The following SLC39A11 variants were observed in gnomAD, a reference collection of about 807,000 sequenced individuals.
SLC39A11 encodes the protein solute carrier family 39 member 11.
SLC39A11 carries 33 observed loss-of-function variants against 36.1 expected under a neutral mutation model. That is an observed-to-expected ratio of 0.91 (90% CI 0.69 to 1.22). The LOEUF is 1.22. Among genes scored for constraint, SLC39A11 ranks in the 50% most tolerant of loss-of-function variants. The probability of loss-of-function intolerance (pLI) is 0.00; values close to 1 mark genes in which losing one functional copy is unlikely to be tolerated. For synonymous variants in SLC39A11, 166 were observed against 170.3 expected, an observed-to-expected ratio of 0.97 and a Z score of 0.20; for missense variants, 432 against 430.3, an observed-to-expected ratio of 1.00 and a Z score of -0.03.
intron 6 of SLC39A11, among the ~76,000 whole-genome samples, chr17:72,755,025 G>C (rs931579026): frequency 6.6e-6 from 1 of 151,370 alleles, no homozygotes; most frequent in Non-Finnish European, 1.5e-5. Context: ...GTATCCACAG[G>C]ATAGCCCTAA....
intron 4 of SLC39A11, among the ~76,000 whole-genome samples, chr17:72,948,607 G>A (rs996960283): frequency 4.6e-5 from 7 of 152,208 alleles, no homozygotes; most frequent in Admixed American, 3.3e-4. Flanking sequence ...AGGAAGCAGT[G>A]CGAGTTGCAG....
rs1167034424 is a variant in SLC39A11 at position 72,852,204 on chromosome 17, C to CAAAAAAAAAAAAAAAAAAA, written c.431-2419_431-2401dup. Among the ~76,000 whole-genome samples, 110 of 39,910 alleles carry CAAAAAAAAAAAAAAAAAAA rather than the reference C, an allele frequency of 2.8e-3. 3 individuals carry two copies. The highest frequency in any genetic ancestry group is 0.031 in the Middle Eastern group (2 of 64). The allele number at this position is 39,910 out of a possible 152,430, so 26.2% of individuals were successfully genotyped here. On this transcript the variant is annotated intron_variant, in intron 5 of 9. Transcript: ENST00000255559. ...TGGGCAACAGAGCAAGACTCCGTCT[C>CAAAAAAAAAAAAAAAAAAA]AAAAAAAAAAAAAAAAAAAAAAAAC...
At chr17:72,906,729 A>C (rs1278570398) in intron 5 of SLC39A11, among the ~76,000 whole-genome samples, 1 of 152,220 alleles carries the variant, frequency 6.6e-6, no homozygotes, top group East Asian at 1.9e-4. Context: ...AATCCGATTA[A>C]AGGCCCAAAA....
intron 6 of SLC39A11, 98 bp from the exon 7 acceptor site, chr17:72,736,817 T>A (rs2074449119): frequency 3.0e-6 from 3 of 1,002,794 alleles, no homozygotes; most frequent in Non-Finnish European, 4.8e-6. Context: ...TGCATGAGGC[T>A]GCCAGTCAAA....
intron 6 of SLC39A11, among the ~76,000 whole-genome samples, chr17:72,738,643 G>A (rs1452840031): frequency 6.6e-6 from 1 of 152,208 alleles, no homozygotes; most frequent in Non-Finnish European, 1.5e-5. Flanking sequence ...CATCTGTGAA[G>A]AGGGCGATGA....
intron 4 of SLC39A11, among the ~76,000 whole-genome samples, chr17:72,949,418 C>T (rs2085706933): frequency 1.3e-5 from 2 of 151,888 alleles, no homozygotes; most frequent in African/African-American, 4.8e-5. Flanking sequence ...GCCTCGGCCT[C>T]CCAAAGTGCT....
intron 7 of SLC39A11, among the ~76,000 whole-genome samples, chr17:72,704,547 G>C (rs2072803650): frequency 6.6e-6 from 1 of 152,196 alleles, no homozygotes; most frequent in African/African-American, 2.4e-5. Context: ...AGTGGGTCCT[G>C]CAAGGCCCTG....
In SLC39A11 at chr17:72,917,242, G is replaced by A. The variant is rs181798756; in HGVS notation, c.430+30510C>T. ...CTCCACTTCTCTCTTCTCCACTTCC[G>A]GGGTTGGGCCCTGAAATCATTCTGC... is the stretch of plus-strand genomic sequence containing the variant. On this transcript the variant is annotated intron_variant, in intron 5 of 9. Coordinates refer to ENST00000255559, the MANE Select transcript of SLC39A11 (RefSeq NM_139177.4). 2.6e-5 allele frequency among the ~76,000 whole-genome samples: 4 copies of A among 152,328 alleles called. No individual in the cohort carries two copies. The East Asian group carries it at 5.8e-4, about 22-fold the overall frequency.
intron 7 of SLC39A11, among the ~76,000 whole-genome samples, chr17:72,684,820 T>A (rs1221262990): frequency 6.6e-6 from 1 of 152,200 alleles, no homozygotes; most frequent in Non-Finnish European, 1.5e-5. Flanking sequence ...AGCATTTGGC[T>A]CTGCATTTGT....
At chr17:72,672,548 G>A (rs896139758) in intron 7 of SLC39A11, among the ~76,000 whole-genome samples, 3 of 152,204 alleles carry the variant, frequency 2.0e-5, no homozygotes, top group African/African-American at 7.2e-5. Context: ...ACAGTGAACT[G>A]TGGCCGTTGG....
intron 6 of SLC39A11, among the ~76,000 whole-genome samples, chr17:72,761,661 C>T (rs1490002926): frequency 1.3e-5 from 2 of 152,178 alleles, no homozygotes; most frequent in East Asian, 1.9e-4. Context: ...GGTCATACAA[C>T]GTTTTGAACC....
chr17:72,738,908 G>A (rs1031311084), intron 6 of SLC39A11, among the ~76,000 whole-genome samples: 4 of 152,166 alleles, frequency 2.6e-5, no homozygotes, highest in African/African-American at 9.7e-5. Context: ...GACACCTGGG[G>A]ACAAGAAGGC....
chr17:72,704,185 A>T (rs1425327819), intron 7 of SLC39A11, among the ~76,000 whole-genome samples: 1 of 152,250 alleles, frequency 6.6e-6, no homozygotes, highest in Admixed American at 6.5e-5. Flanking sequence ...CAAACACTGT[A>T]TGGAGCATTT....
At chr17:72,855,846 A>C (rs9907051) in intron 5 of SLC39A11, among the ~76,000 whole-genome samples, 36 of 151,588 alleles carry the variant, frequency 2.4e-4, no homozygotes, top group African/African-American at 5.6e-4. Context: ...GCAGTGAGCC[A>C]AGATGGCGCC....
chr17:73,026,204 G>GAGAAGAGAAC (rs2058541014), intron 4 of SLC39A11, among the ~76,000 whole-genome samples: 1 of 149,922 alleles, frequency 6.7e-6, no homozygotes, highest in East Asian at 2.0e-4. Context: ...GAGAAGGGAA[G>GAGAAGAGAAC]AGAAGAGAAG....
chr17:72,762,701 C>A (rs959045568), intron 6 of SLC39A11, among the ~76,000 whole-genome samples: 1 of 152,134 alleles, frequency 6.6e-6, no homozygotes, highest in Admixed American at 6.5e-5. Flanking sequence ...GGATCAGGAC[C>A]CCTTTCCAGT....
At chr17:72,744,307 G>A (rs1056990563) in intron 6 of SLC39A11, among the ~76,000 whole-genome samples, 1 of 152,110 alleles carries the variant, frequency 6.6e-6, no homozygotes, top group Non-Finnish European at 1.5e-5. Context: ...GTGGTTTGCA[G>A]CATCCCTGGC....
At chr17:72,838,060 GTTCTC>G (rs1022537740) in intron 6 of SLC39A11, 1 of 1,107,142 alleles carries the variant, frequency 9.0e-7, no homozygotes, top group African/African-American at 1.6e-5. Flanking sequence ...GAAGCAGGAG[GTTCTC>G]TTGAGGCCAG....
chr17:72,769,946 C>T (rs551551222), intron 6 of SLC39A11, among the ~76,000 whole-genome samples: 6 of 152,288 alleles, frequency 3.9e-5, no homozygotes, highest in African/African-American at 1.4e-4. Flanking sequence ...CTTCCAGTCT[C>T]CCTGCCTTTG....
Sources: gnomAD v4.1 joint callset for allele counts (sites outside exome capture counted in the v4.1 genomes callset) on GRCh38, gnomAD v4.1.1 for gene constraint, MANE v1.5 for transcripts, NCBI Gene and HGNC (gene_info 2026-07-23, HGNC 2026-07-21) for gene names.